Variants in CDC14B observed in about 807,000 individuals in gnomAD.
CDC14B encodes the protein dual specificity protein phosphatase CDC14B.
CDC14B carries 22 observed loss-of-function variants against 64.2 expected under a neutral mutation model. The observed-to-expected ratio is 0.34, with a 90% CI of 0.24 to 0.49. The LOEUF (loss-of-function observed/expected upper bound fraction) is 0.49, where lower values mean the gene tolerates loss of function less well. CDC14B is among the 20% of genes least tolerant of loss of function. The pLI, the probability that CDC14B is intolerant of heterozygous loss-of-function variation, is 0.99. For missense variants in CDC14B, 498 were observed against 629.9 expected (o/e 0.79, Z 2.24); for synonymous variants, 191 against 215.8 (o/e 0.89, Z 1.01).
At chr9:96,504,686 T>C (rs1290180987) in intron 13 of CDC14B, among the ~76,000 whole-genome samples, 2 of 152,164 alleles carry the variant, frequency 1.3e-5, no homozygotes, top group African/African-American at 4.8e-5. Flanking sequence ...TGATGGACTT[T>C]GGAGATAATG....
chr9:96,610,813 T>C (rs1056373324), intron 1 of CDC14B, among the ~76,000 whole-genome samples: 3 of 152,260 alleles, frequency 2.0e-5, no homozygotes, highest in African/African-American at 7.2e-5. Flanking sequence ...TCCAATGAAA[T>C]ATCGCAGAAA....
At chr9:96,617,563 A>G (rs1847709020) in intron 1 of CDC14B, among the ~76,000 whole-genome samples, 1 of 152,196 alleles carries the variant, frequency 6.6e-6, no homozygotes, top group East Asian at 1.9e-4. Context: ...CATTCTAATA[A>G]GAAACACTAT....
chr9:96,528,104 A>G (rs992687381), intron 9 of CDC14B, among the ~76,000 whole-genome samples: 8 of 152,256 alleles, frequency 5.3e-5, no homozygotes, highest in African/African-American at 1.9e-4. Context: ...TACATGTGTC[A>G]GAATTTTCTT....
At chr9:96,523,544 C>T (rs778553407) in intron 10 of CDC14B, 43 bp downstream of exon 10, 2 of 1,611,510 alleles carry the variant, frequency 1.2e-6, no homozygotes, top group Admixed American at 3.3e-5. Context: ...AGATTCCAAC[C>T]CCACATGTTC....
At chr9:96,618,633 G>A (rs1476009514) in intron 1 of CDC14B, 2 of 529,174 alleles carry the variant, frequency 3.8e-6, no homozygotes, top group Non-Finnish European at 3.9e-6. Flanking sequence ...AGGCGTTCGG[G>A]GGGCGCGCTA....
intron 12 of CDC14B, among the ~76,000 whole-genome samples, chr9:96,512,090 G>A (rs540874542): frequency 1.6e-4 from 24 of 151,710 alleles, no homozygotes; most frequent in South Asian, 6.2e-4. Flanking sequence ...GTGGTGGGGC[G>A]TGCCTTGGTT....
intron 1 of CDC14B, among the ~76,000 whole-genome samples, chr9:96,595,612 A>G (rs1232446791): frequency 6.6e-6 from 1 of 152,250 alleles, no homozygotes; most frequent in Non-Finnish European, 1.5e-5. Flanking sequence ...CCGTCATACA[A>G]TGCAATATTC....
At chr9:96,545,815 A>G (rs1840737242) in intron 5 of CDC14B, among the ~76,000 whole-genome samples, 1 of 151,720 alleles carries the variant, frequency 6.6e-6, no homozygotes, top group South Asian at 2.1e-4. Context: ...TGCCTCATAC[A>G]TCATAGAATC....
At chr9:96,594,055 C>T (rs796399020) in intron 1 of CDC14B, among the ~76,000 whole-genome samples, 8 of 152,206 alleles carry the variant, frequency 5.3e-5, no homozygotes, top group African/African-American at 1.9e-4. Flanking sequence ...TTTACTATTC[C>T]TCTGGAAAAA....
At chr9:96,613,500 T>C (rs938232015) in intron 1 of CDC14B, among the ~76,000 whole-genome samples, 6 of 152,240 alleles carry the variant, frequency 3.9e-5, no homozygotes, top group African/African-American at 1.4e-4. Flanking sequence ...AGGAGTGACA[T>C]TTGAAACTGT....
chr9:96,524,781 A>T (rs1837305949), intron 9 of CDC14B, among the ~76,000 whole-genome samples: 1 of 152,162 alleles, frequency 6.6e-6, no homozygotes. Flanking sequence ...CTGCTGGCCC[A>T]CGCTGCATAT....
chr9:96,504,903 C>T (rs1426294210), intron 13 of CDC14B, among the ~76,000 whole-genome samples: 1 of 152,098 alleles, frequency 6.6e-6, no homozygotes, highest in African/African-American at 2.4e-5. Context: ...GGCCGGGCGC[C>T]GTGGCTCACA....
Position 96,604,050 on chromosome 9 carries a change from G to A in CDC14B, c.160+15169C>T, listed in dbSNP as rs16911415. Among the ~76,000 whole-genome samples, 623 of 152,238 alleles carry A rather than the reference G, an allele frequency of 4.1e-3. 6 individuals carry two copies. Among genetic ancestry groups the A allele is most frequent in the African/African-American group, 0.013 (554 of 41,560 alleles). On this transcript the variant is annotated intron_variant, in intron 1 of 13. Coordinates refer to ENST00000375241, the MANE Select transcript of CDC14B (RefSeq NM_033331.4). Reference sequence around the variant, plus strand: ...GCACACACTCTGTCTAGCTAAGGACGAGGAGTTCCTGGAAATGGAACTTGA... The same window carrying A: ...GCACACACTCTGTCTAGCTAAGGACAAGGAGTTCCTGGAAATGGAACTTGA...
In CDC14B at chr9:96,549,056, A is replaced by G. The variant is rs562895692; in HGVS notation, c.497+2740T>C. Among the ~76,000 whole-genome samples, 8 of 152,304 alleles carry G rather than the reference A, an allele frequency of 5.3e-5. No homozygotes were observed. In the South Asian group the frequency reaches 1.5e-3, roughly 28 times the overall value. On this transcript the variant is annotated intron_variant, in intron 5 of 13. Transcript: ENST00000375241. ...TTCTGATTGGACTACTTTCTAATTG[A>G]TAAGTTCTATAGAACACTATGTGAA...
intron 12 of CDC14B, among the ~76,000 whole-genome samples, chr9:96,518,288 G>A (rs866295808): frequency 6.6e-6 from 1 of 151,960 alleles, no homozygotes; most frequent in Non-Finnish European, 1.5e-5. Flanking sequence ...AGGCTGAGGC[G>A]GGCAGATCAC....
At position 96,561,090 on chromosome 9, in the gene CDC14B, C is replaced by T. The variant is rs187030321; in HGVS notation, c.420+1603G>A. Among the ~76,000 whole-genome samples the T allele has an allele frequency of 3.9e-5, 6 of 152,248 alleles. No individual in the cohort carries two copies. In the East Asian group the frequency reaches 9.7e-4, roughly 25 times the overall value. ...TAGCTGGGACTACAGGCATGTGCCA[C>T]CACGCCCAACTAATTTTTGTATTTT... On this transcript the variant is annotated intron_variant, in intron 4 of 13. Coordinates refer to ENST00000375241, the MANE Select transcript of CDC14B (RefSeq NM_033331.4).
chr9:96,530,953 T>C (rs898786047), intron 9 of CDC14B, among the ~76,000 whole-genome samples: 8 of 152,240 alleles, frequency 5.3e-5, no homozygotes, highest in Admixed American at 2.0e-4. Flanking sequence ...ATCACACTGA[T>C]TGATTTTCAT....
intron 1 of CDC14B, among the ~76,000 whole-genome samples, chr9:96,614,052 A>C (rs889435146): frequency 3.3e-5 from 5 of 152,100 alleles, no homozygotes; most frequent in Non-Finnish European, 5.9e-5. Context: ...GGCAATCCTG[A>C]CCTCAATTAG....
intron 1 of CDC14B, among the ~76,000 whole-genome samples, chr9:96,590,819 C>T (rs188395096): frequency 5.3e-5 from 8 of 152,282 alleles, no homozygotes; most frequent in Admixed American, 5.2e-4. Flanking sequence ...CCACCTCAGC[C>T]TCCCAAGTAG....
Sources: gnomAD v4.1 joint callset for allele counts (sites outside exome capture counted in the v4.1 genomes callset) on GRCh38, gnomAD v4.1.1 for gene constraint, MANE v1.5 for transcripts, NCBI Gene and HGNC (gene_info 2026-07-23, HGNC 2026-07-21) for gene names.